RPS6KC1: variants seen among roughly 807,000 people sequenced by gnomAD.
RPS6KC1 encodes inactive ribosomal protein S6 kinase delta-1.
In RPS6KC1, 54 loss-of-function variants were observed where a neutral mutation model predicts 103.8. That is an observed-to-expected ratio of 0.52 (90% CI 0.42 to 0.65). The LOEUF (loss-of-function observed/expected upper bound fraction) is 0.65. RPS6KC1 is among the 30% of genes least tolerant of loss of function. The probability of loss-of-function intolerance (pLI) is 0.00; values close to 1 mark genes in which losing one functional copy is unlikely to be tolerated. For synonymous variants in RPS6KC1, 439 were observed against 438.7 expected (o/e 1.00, Z -0.01); for missense variants, 1,151 against 1,253.8 (o/e 0.92, Z 1.24).
the RPS6KC1 span, among the ~76,000 whole-genome samples, chr1:213,414,673 G>A: frequency 6.6e-6 from 1 of 152,144 alleles, no homozygotes; most frequent in African/African-American, 2.4e-5. Context: ...ATTGTTTCAG[G>A]CCACCTGGTT....
At chr1:213,299,306 T>C in the RPS6KC1 span, among the ~76,000 whole-genome samples, 5 of 152,216 alleles carry the variant, frequency 3.3e-5, no homozygotes, top group Admixed American at 3.3e-4. Flanking sequence ...TCCTAGCACT[T>C]TGGGAAGCCA....
the RPS6KC1 span, among the ~76,000 whole-genome samples, chr1:213,590,297 G>T: frequency 6.6e-6 from 1 of 152,166 alleles, no homozygotes; most frequent in East Asian, 1.9e-4. Context: ...CTCTTGAGGA[G>T]TGGGAGGAAG....
chr1:213,544,670 T>C, the RPS6KC1 span, among the ~76,000 whole-genome samples: 1 of 152,196 alleles, frequency 6.6e-6, no homozygotes, highest in East Asian at 1.9e-4. Context: ...GAGTTTAGGC[T>C]TTGCTTGCAT....
At chr1:213,854,481 C>T in the RPS6KC1 span, among the ~76,000 whole-genome samples, 1 of 151,994 alleles carries the variant, frequency 6.6e-6, no homozygotes, top group Non-Finnish European at 1.5e-5. Flanking sequence ...GTACTGTACT[C>T]TCTGTAGGCC....
At chr1:213,707,846 G>T in the RPS6KC1 span, among the ~76,000 whole-genome samples, 2 of 152,126 alleles carry the variant, frequency 1.3e-5, no homozygotes, top group Non-Finnish European at 2.9e-5. Context: ...AAGATCAGAT[G>T]GTTGTAGATG....
chr1:213,535,980 G>A, the RPS6KC1 span, among the ~76,000 whole-genome samples: 1 of 152,092 alleles, frequency 6.6e-6, no homozygotes, highest in East Asian at 1.9e-4. Context: ...GGTTCTTTTG[G>A]CCTGGAAGAG....
chr1:213,568,100 T>A, the RPS6KC1 span, among the ~76,000 whole-genome samples: 1 of 152,334 alleles, frequency 6.6e-6, no homozygotes, highest in East Asian at 1.9e-4. Flanking sequence ...CTGTATCTCA[T>A]GCTGAGTTTT....
the RPS6KC1 span, among the ~76,000 whole-genome samples, chr1:213,439,016 G>A: frequency 3.3e-5 from 5 of 152,002 alleles, no homozygotes; most frequent in East Asian, 5.8e-4. Flanking sequence ...GGATGGTCTC[G>A]ATCTCCTGAC....
At chr1:213,763,638 A>C in the RPS6KC1 span, among the ~76,000 whole-genome samples, 1 of 152,236 alleles carries the variant, frequency 6.6e-6, no homozygotes, top group Non-Finnish European at 1.5e-5. Flanking sequence ...AGAAGGATTA[A>C]AAATTAAACA....
At chr1:213,812,167 G>C in the RPS6KC1 span, among the ~76,000 whole-genome samples, 1 of 151,918 alleles carries the variant, frequency 6.6e-6, no homozygotes, top group African/African-American at 2.4e-5. Flanking sequence ...AAAGAAAAGA[G>C]GGAGAGAGGG....
chr1:213,318,503 C>A, the RPS6KC1 span, among the ~76,000 whole-genome samples: 2 of 152,214 alleles, frequency 1.3e-5, no homozygotes, highest in Non-Finnish European at 2.9e-5. Context: ...AATTTGTATT[C>A]ATTCCACAAA....
chr1:213,799,315 T>C, the RPS6KC1 span, among the ~76,000 whole-genome samples: 13 of 152,170 alleles, frequency 8.5e-5, no homozygotes, highest in Admixed American at 1.3e-4. Flanking sequence ...GCTCCCTTGG[T>C]TAATGTGTTT....
chr1:213,514,742 C>T, the RPS6KC1 span, among the ~76,000 whole-genome samples: 2 of 152,172 alleles, frequency 1.3e-5, no homozygotes, highest in Admixed American at 6.5e-5. Flanking sequence ...TGGGTATATA[C>T]CCAGTAATGG....
At position 213,058,059 on chromosome 1, in the gene RPS6KC1, C is replaced by T. The variant is rs542144991; in HGVS notation, c.105+6550C>T. Among the ~76,000 whole-genome samples, 204 of 111,944 alleles carry T rather than the reference C, an allele frequency of 1.8e-3. 2 individuals carry two copies. Among genetic ancestry groups the T allele is most frequent in the South Asian group, 6.8e-3 (24 of 3,518 alleles). The allele number at this position is 111,944 out of a possible 152,430, so 73.4% of individuals were successfully genotyped here. On this transcript the variant is annotated intron_variant, in intron 1 of 14. Coordinates refer to ENST00000366960, the MANE Select transcript of RPS6KC1 (RefSeq NM_012424.6). ...CTGGGATTACAGACGTGCGCCTGAC[C>T]TTTTTTTTTTTTTTTTTTTTTTTTT...
chr1:213,600,008 G>A, the RPS6KC1 span, among the ~76,000 whole-genome samples: 1 of 144,216 alleles, frequency 6.9e-6, no homozygotes, highest in Non-Finnish European at 1.5e-5. Flanking sequence ...CTGGATCATG[G>A]GGTTGGTTTC....
downstream of RPS6KC1, among the ~76,000 whole-genome samples, chr1:213,278,917 A>G (rs1038410201): frequency 1.3e-5 from 2 of 151,864 alleles, no homozygotes; most frequent in Non-Finnish European, 2.9e-5. Flanking sequence ...GTTTGGAGAG[A>G]AGGAAAGTTC....
At chr1:213,790,550 A>T in the RPS6KC1 span, among the ~76,000 whole-genome samples, 1 of 152,174 alleles carries the variant, frequency 6.6e-6, no homozygotes, top group Non-Finnish European at 1.5e-5. Context: ...AGAAAGAAGT[A>T]CTTCATAATT....
the RPS6KC1 span, among the ~76,000 whole-genome samples, chr1:213,610,878 A>T: frequency 3.9e-5 from 6 of 152,222 alleles, no homozygotes; most frequent in Non-Finnish European, 5.9e-5. Flanking sequence ...GCTCGCAGGA[A>T]CAATGAAGAC....
At chr1:213,322,889 A>G in the RPS6KC1 span, among the ~76,000 whole-genome samples, 1 of 134,596 alleles carries the variant, frequency 7.4e-6, no homozygotes, top group South Asian at 2.6e-4. Flanking sequence ...CTGGGATTAC[A>G]GGTGCCCGCC....
Sources: allele counts gnomAD v4.1 joint callset (sites outside exome capture counted in the v4.1 genomes callset), GRCh38; gene constraint gnomAD v4.1.1; transcripts MANE v1.5; gene names NCBI Gene and HGNC (gene_info 2026-07-23, HGNC 2026-07-21).